The following LMO7 variants were observed in gnomAD, a reference collection of about 807,000 sequenced individuals.
The protein encoded by LMO7 is LIM domain only protein 7.
A neutral mutation model predicts 206.5 loss-of-function variants in LMO7; 120 were observed. That is an observed-to-expected ratio of 0.58 (90% CI 0.50 to 0.68). The LOEUF is 0.68. LMO7 is among the 30% of genes least tolerant of loss of function. The pLI, the probability that LMO7 is intolerant of heterozygous loss-of-function variation, is 0.00. For synonymous variants in LMO7, 706 were observed against 681.5 expected (o/e 1.04, Z -0.56); for missense variants, 1,959 against 1,957.9 (o/e 1.00, Z -0.01).
intron 4 of LMO7, among the ~76,000 whole-genome samples, chr13:75,793,682 A>G (rs1401007455): frequency 6.6e-6 from 1 of 152,218 alleles, no homozygotes; most frequent in Non-Finnish European, 1.5e-5. Context: ...TTTTTGAAGG[A>G]TAATATACAG....
At chr13:75,713,152 A>G (rs985246606) in intron 1 of LMO7, 30 bp from the exon 2 acceptor site, 3 of 1,568,534 alleles carry the variant, frequency 1.9e-6, no homozygotes, top group Non-Finnish European at 2.6e-6. Flanking sequence ...CCTGCTTAAG[A>G]GAAAATTAAC....
intron 7 of LMO7, 81 bp downstream of exon 7, chr13:75,800,963 C>A: frequency 1.5e-6 from 2 of 1,350,724 alleles, no homozygotes; most frequent in Admixed American, 1.8e-5. Context: ...AAAAATGGAG[C>A]AAAAACTAGG....
At chr13:75,694,397 C>T (rs1192033959) in intron 1 of LMO7, among the ~76,000 whole-genome samples, 1 of 152,166 alleles carries the variant, frequency 6.6e-6, no homozygotes, top group African/African-American at 2.4e-5. Context: ...GTAGGAAGGC[C>T]TCACTCTGCA....
chr13:75,632,862 G>GTTTTTTCTTTTTTTTTTTTTT (rs375132994), upstream of LMO7, among the ~76,000 whole-genome samples: 1 of 102,138 alleles, frequency 9.8e-6, no homozygotes, highest in African/African-American at 4.0e-5. Flanking sequence ...TTACTTAAAA[G>GTTTTTTCTTTTTTTTTTTTTT]TTTTTTTTTT....
Position 75,823,606 on chromosome 13 carries a change from T to A in LMO7, c.2682T>A (p.Ile894=). ...AGTATAATGGAGATGTTGAAGACAT[T>A]AAGAGAACTCCAAACAATGTGGTCA... ...AWKYNGDVED[I]KRTPNNVVST... is the part of the protein sequence containing the mutation. Residue 894 remains isoleucine, a synonymous_variant, in exon 15 of 31, where the codon ATT becomes ATA. Transcript: ENST00000377534. 1 of 1,614,018 alleles carries A rather than the reference T, an allele frequency of 6.2e-7. No individual in the cohort carries two copies. The highest frequency in any genetic ancestry group is 8.5e-7 in the Non-Finnish European group (1 of 1,179,914).
chr13:75,821,608 C>T lies in LMO7; in HGVS notation c.2639C>T (p.Thr880Met), dbSNP rs774756205. The T allele has an allele frequency of 4.0e-5, 64 of 1,606,134 alleles. No homozygotes were observed. Among genetic ancestry groups the T allele is most frequent in the East Asian group, 8.9e-5 (4 of 44,776 alleles). The part of the protein sequence containing the change: ...RGISSLPRSY[T>M]MDDAWKYNGD... Reference sequence around the variant, plus strand: ...ATCTCATCACTCCCCAGATCTTACACGGTAAAAAATGTTCTCGGTTCATTT... The same window carrying T: ...ATCTCATCACTCCCCAGATCTTACATGGTAAAAAATGTTCTCGGTTCATTT... The change falls in exon 14 of 31, where the codon ACG becomes ATG. Residue 880 changes from threonine (T) to methionine (M), a missense_variant and splice_region_variant. Physicochemically the swap from Thr to Met is moderately conservative, Grantham distance 81. Coordinates refer to ENST00000377534, the MANE Select transcript of LMO7 (RefSeq NM_001306080.2).
Position 75,636,587 on chromosome 13 carries a change from G to T in LMO7, c.-71G>T. 6.5e-7 allele frequency: 1 copy of T among 1,541,040 alleles called. No homozygotes were observed. Among genetic ancestry groups the T allele is most frequent in the Non-Finnish European group, 8.7e-7 (1 of 1,146,558 alleles). ...CCCGCGTGCCCTCCCCGCCCGTGGG[G>T]CCCAGACGCGCGGGGACAACCCCTC... On this transcript the variant is annotated 5_prime_UTR_variant, in exon 1 of 31. Coordinates refer to ENST00000377534, the MANE Select transcript of LMO7 (RefSeq NM_001306080.2).
At chr13:75,671,182 C>A (rs1236780964) in intron 1 of LMO7, among the ~76,000 whole-genome samples, 1 of 150,818 alleles carries the variant, frequency 6.6e-6, no homozygotes, top group East Asian at 1.9e-4. Context: ...TCCTGAGGGA[C>A]TGGCCTGACA....
At chr13:75,796,393 G>C (rs886928703) in intron 5 of LMO7, among the ~76,000 whole-genome samples, 2 of 152,140 alleles carry the variant, frequency 1.3e-5, no homozygotes, top group South Asian at 4.2e-4. Context: ...TAGAGTATAT[G>C]AATGACTACC....
chr13:75,824,736 T>G (rs1171957852), intron 15 of LMO7, among the ~76,000 whole-genome samples: 1 of 152,144 alleles, frequency 6.6e-6, no homozygotes, highest in East Asian at 1.9e-4. Context: ...TATTCCCTGT[T>G]GCCCTGCAAA....
In LMO7 at chr13:75,636,746, T is replaced by C. The variant is rs762422618; in HGVS notation, c.69+20T>C. Reference sequence around the variant, plus strand: ...GTGGAGGTGAGTGCCTTTCACTGCTTTCCCTTCCGCAGGTGTTGACTGCCT... The same window carrying C: ...GTGGAGGTGAGTGCCTTTCACTGCTCTCCCTTCCGCAGGTGTTGACTGCCT... On this transcript the variant is annotated intron_variant, in intron 1 of 30. Transcript: ENST00000377534. 1.3e-6 allele frequency: 2 copies of C among 1,596,438 alleles called. No individual in the cohort carries two copies. The highest frequency in any genetic ancestry group is 8.5e-7 in the Non-Finnish European group (1 of 1,171,906).
At position 75,838,266 on chromosome 13, in the gene LMO7, C is replaced by T; in HGVS notation, c.3451+70C>T. 3 of 1,510,430 alleles carry T rather than the reference C, an allele frequency of 2.0e-6. No individual in the cohort carries two copies. The South Asian group carries it at 3.4e-5, about 17-fold the overall frequency. 93.6% of individuals were successfully genotyped at this position (1,510,430 alleles called of 1,614,324 possible). The stretch of plus-strand genomic sequence containing the variant: ...CTCCCTCTCCACTCTTCCTCATGGT[C>T]TGTGGTGCTGGGCACTGAGCCTCTT... On this transcript the variant is annotated intron_variant, in intron 20 of 30. Transcript: ENST00000377534.
chr13:75,811,315 G>A (rs1164031642), intron 11 of LMO7, among the ~76,000 whole-genome samples: 1 of 151,394 alleles, frequency 6.6e-6, no homozygotes, highest in Non-Finnish European at 1.5e-5. Context: ...AAAGTGTTAG[G>A]ATTACAGATG....
chr13:75,762,172 C>T (rs1249531414), intron 4 of LMO7, among the ~76,000 whole-genome samples: 3 of 152,108 alleles, frequency 2.0e-5, no homozygotes, highest in African/African-American at 7.2e-5. Context: ...ATAAGCTTTT[C>T]TAAACTCCAT....
intron 3 of LMO7, among the ~76,000 whole-genome samples, chr13:75,742,654 A>G (rs182867234): frequency 6.6e-6 from 1 of 152,374 alleles, no homozygotes; most frequent in Non-Finnish European, 1.5e-5. Flanking sequence ...TAGTGCTGGT[A>G]TAACTGGCTA....
chr13:75,633,651 G>A (rs951841274), upstream of LMO7, among the ~76,000 whole-genome samples: 1 of 151,946 alleles, frequency 6.6e-6, no homozygotes, highest in Non-Finnish European at 1.5e-5. Context: ...GTCTCTTTTG[G>A]GTTAAAAAAA....
intron 1 of LMO7, among the ~76,000 whole-genome samples, chr13:75,652,903 A>G (rs557671285): frequency 3.9e-5 from 6 of 152,318 alleles, no homozygotes; most frequent in African/African-American, 1.2e-4. Flanking sequence ...GAACATGAAC[A>G]TAAGAAAGAT....
At chr13:75,665,344 T>G (rs563151679) in intron 1 of LMO7, among the ~76,000 whole-genome samples, 1 of 152,102 alleles carries the variant, frequency 6.6e-6, no homozygotes, top group Non-Finnish European at 1.5e-5. Flanking sequence ...TATAGTATAC[T>G]TATTTTTTAA....
intron 6 of LMO7, among the ~76,000 whole-genome samples, chr13:75,800,013 T>C (rs2054532087): frequency 1.3e-5 from 2 of 152,182 alleles, no homozygotes; most frequent in African/African-American, 4.8e-5. Flanking sequence ...CCATAGAAAA[T>C]AAGTTATATA....
Sources: allele counts gnomAD v4.1 joint callset (sites outside exome capture counted in the v4.1 genomes callset), GRCh38; gene constraint gnomAD v4.1.1; transcripts MANE v1.5; gene names NCBI Gene and HGNC (gene_info 2026-07-23, HGNC 2026-07-21).